Variants in MEPE observed in about 807,000 individuals in gnomAD.
MEPE encodes the protein matrix extracellular phosphoglycoprotein.
Under a neutral mutation model 7.3 loss-of-function variants are expected in MEPE, and 7 were observed. That is an observed-to-expected ratio of 0.95 (90% CI 0.54 to 1.79). MEPE has a LOEUF of 1.79. Ranked by LOEUF, MEPE falls within the 40% of genes most tolerant of loss-of-function variation. The pLI is 0.00. For synonymous variants in MEPE, 214 were observed against 213.1 expected, an observed-to-expected ratio of 1.00 and a Z score of -0.04; for missense variants, 623 against 628.2, an observed-to-expected ratio of 0.99 and a Z score of 0.09.
intron 3 of MEPE, chr4:87,840,043 C>T: frequency 6.5e-7 from 1 of 1,535,372 alleles, no homozygotes; most frequent in East Asian, 2.4e-5. Flanking sequence ...GTGTGATACT[C>T]ATGGACCTCA....
intron 2 of MEPE, among the ~76,000 whole-genome samples, chr4:87,836,017 C>T (rs1352465709): frequency 1.3e-5 from 2 of 152,036 alleles, no homozygotes; most frequent in Non-Finnish European, 2.9e-5. Context: ...AAGCCTAAGA[C>T]ATCTGCTTGG....
At chr4:87,831,420 G>A (rs1373243399), upstream of MEPE, among the ~76,000 whole-genome samples, 1 of 152,094 alleles carries the variant, frequency 6.6e-6, no homozygotes, top group African/African-American at 2.4e-5. Flanking sequence ...GTGTCATCCT[G>A]ATTCTTGATT....
intron 3 of MEPE, chr4:87,839,864 T>C (rs1306435795): frequency 1.3e-6 from 2 of 1,543,322 alleles, no homozygotes; most frequent in African/African-American, 1.4e-5. Context: ...CAAAGTTTAC[T>C]TTTGCTTGCT....
intron 3 of MEPE, among the ~76,000 whole-genome samples, chr4:87,842,372 C>T (rs933124501): frequency 2.0e-5 from 3 of 152,192 alleles, no homozygotes; most frequent in African/African-American, 7.2e-5. Flanking sequence ...TGTATTCTGA[C>T]ATCTTTAATG....
At chr4:87,825,978 G>C (rs1722453875) in intron 1 of MEPE, among the ~76,000 whole-genome samples, 1 of 152,088 alleles carries the variant, frequency 6.6e-6, no homozygotes, top group South Asian at 2.1e-4. Context: ...GGGGATAATG[G>C]CTTCTGGCTC....
chr4:87,846,690 C>A lies in MEPE; in HGVS notation c.*244C>A. The A allele has an allele frequency of 2.3e-6, 1 of 430,698 alleles. No homozygotes were observed. Among genetic ancestry groups the A allele is most frequent in the Non-Finnish European group, 4.1e-6 (1 of 244,722 alleles). 26.7% of individuals were successfully genotyped at this position (430,698 alleles called of 1,614,324 possible). A position where few individuals can be genotyped will look rare whatever the true frequency, so the allele number is the denominator to read the frequency against. ...CATTACAGATCTATGAAATAGGTAA[C>A]ATTTGAGTAGGTGTCATTTAAAAAT... On this transcript the variant is annotated 3_prime_UTR_variant, in exon 4 of 4. Transcript: ENST00000361056.
intron 2 of MEPE, chr4:87,837,534 T>C (rs755729510): frequency 1.3e-5 from 2 of 152,256 alleles, no homozygotes; most frequent in Non-Finnish European, 2.9e-5. Context: ...AAACAAAATA[T>C]AGAAGCTTAA....
chr4:87,837,549 T>A (rs1722846503), intron 2 of MEPE: 2 of 152,244 alleles, frequency 1.3e-5, no homozygotes, highest in Non-Finnish European at 2.9e-5. Context: ...GCTTAAGGCT[T>A]CTTCAGGAAG....
In MEPE at chr4:87,837,926, T is replaced by A. The variant is rs551300073; in HGVS notation, c.55-706T>A. Among the ~76,000 whole-genome samples, 355 of 152,290 alleles carry A rather than the reference T, an allele frequency of 2.3e-3. 3 individuals carry two copies. The highest frequency in any genetic ancestry group is 8.0e-3 in the African/African-American group (331 of 41,568). On this transcript the variant is annotated intron_variant, in intron 2 of 3. Transcript: ENST00000361056. ...GGGACAAACTGCCGAGGTCTGTTCT[T>A]TCTTCATTTCTGCCCTTTCTGCGCT...
In MEPE at chr4:87,827,863, T is replaced by C. The variant is rs906191038; in HGVS notation, c.-13+6392T>C. ...TGCTGTGACCCTCCATGATTCTGCA[T>C]CTGGCTGAAATTTTTATGGCTTCTG... On this transcript the variant is annotated intron_variant, in intron 1 of 3. Transcript: ENST00000424957. Among the ~76,000 whole-genome samples the C allele has an allele frequency of 3.3e-5, 5 of 152,202 alleles. No homozygotes were observed. The East Asian group carries it at 9.6e-4, about 29-fold the overall frequency.
At position 87,845,343 on chromosome 4, in the gene MEPE, A is replaced by G. The variant is rs569488437; in HGVS notation, c.475A>G (p.Thr159Ala). Residue 159 changes from threonine (T) to alanine (A), a missense_variant, in exon 4 of 4, where the codon ACT becomes GCT. Thr to Ala is a moderately conservative substitution (Grantham distance 58). Coordinates refer to ENST00000361056, the MANE Select transcript of MEPE (RefSeq NM_020203.6). ...NNMQHIMGPV[T>A]AIKLLGEENK... ...CATGCAACATATAATGGGGCCAGTGACTGCGATTAAACTCCTGGGGGAAGA... is the reference window on the plus strand; with the variant it reads ...CATGCAACATATAATGGGGCCAGTGGCTGCGATTAAACTCCTGGGGGAAGA... The G allele has an allele frequency of 1.9e-6, 3 of 1,614,038 alleles. No homozygotes were observed. The South Asian group carries it at 3.3e-5, about 18-fold the overall frequency.
Position 87,826,576 on chromosome 4 carries a change from C to T in MEPE, c.-13+5105C>T, listed in dbSNP as rs937453086. 1.2e-4 allele frequency among the ~76,000 whole-genome samples: 18 copies of T among 152,196 alleles called. 1 individual carries two copies. The highest frequency in any genetic ancestry group is 1.2e-3 in the Admixed American group (18 of 15,276). On this transcript the variant is annotated intron_variant, in intron 1 of 3. Transcript: ENST00000424957. ...TTTGAGGAATTGCCACACTGTCTTC[C>T]ACAATGGTTAACTAATTTATACTCC...
Position 87,845,390 on chromosome 4 carries a change from GA to G in MEPE, c.524del (p.Asn175MetfsTer3), listed in dbSNP as rs754118964. The G allele has an allele frequency of 6.2e-7, 1 of 1,613,954 alleles. No homozygotes were observed. The highest frequency in any genetic ancestry group is 1.7e-5 in the Admixed American group (1 of 59,990). On this transcript the variant is annotated frameshift_variant, in exon 4 of 4. Coordinates refer to ENST00000361056, the MANE Select transcript of MEPE (RefSeq NM_020203.6). LOFTEE classifies it low-confidence loss of function (END_TRUNC). ...GEENKENTPRNVLNIIPASMN... is the reference protein window; with the variant it reads ...GEENKENTPRXVLNIIPASMN... ...AAGAAAACAAAGAGAACACACCTAG[GA>G]ATGTTCTAAACATAATCCCAGCAAG...
At position 87,836,734 on chromosome 4, in the gene MEPE, T is replaced by G. The variant is rs146991063; in HGVS notation, c.55-1898T>G. On this transcript the variant is annotated intron_variant, in intron 2 of 3. Coordinates refer to ENST00000361056, the MANE Select transcript of MEPE (RefSeq NM_020203.6). ...TTTTTCATATTTAATCATTCAAAAA[T>G]TTATTATTTTAACCCTGGGACTTTG... is the stretch of plus-strand genomic sequence containing the variant. Among the ~76,000 whole-genome samples, 787 of 152,296 alleles carry G rather than the reference T, an allele frequency of 5.2e-3. 7 individuals are homozygous for G. Among genetic ancestry groups the G allele is most frequent in the African/African-American group, 0.018 (757 of 41,560 alleles).
chr4:87,838,579 TAATGA>T, intron 2 of MEPE, 48 bp from the exon 3 acceptor site: 1 of 1,491,228 alleles, frequency 6.7e-7, no homozygotes, highest in Non-Finnish European at 9.3e-7. Flanking sequence ...TTGAAGAAGT[TAATGA>T]AATAGAATGT....
At position 87,845,660 on chromosome 4, in the gene MEPE, C is replaced by T. The variant is rs1483382351; in HGVS notation, c.792C>T (p.Asp264=). 1 of 1,613,738 alleles carries T rather than the reference C, an allele frequency of 6.2e-7. No homozygotes were observed. Among genetic ancestry groups the T allele is most frequent in the East Asian group, 2.2e-5 (1 of 44,894 alleles). The change falls in exon 4 of 4, where the codon GAC becomes GAT. Residue 264 remains aspartate (D), a synonymous_variant. Coordinates refer to ENST00000361056, the MANE Select transcript of MEPE (RefSeq NM_020203.6). ...GTGGGGACGGCCAACCTTTTAAGGA[C>T]ATTCCTGGTAAAGGAGAAGCTACTG... ...PFSGDGQPFK[D]IPGKGEATGP...
chr4:87,829,482 GA>G (rs1209269900), upstream of MEPE, among the ~76,000 whole-genome samples: 1 of 151,846 alleles, frequency 6.6e-6, no homozygotes, highest in African/African-American at 2.4e-5. Context: ...AAATTTATTT[GA>G]AACTAAGAAA....
intron 2 of MEPE, among the ~76,000 whole-genome samples, chr4:87,837,470 G>A (rs1374956513): frequency 6.6e-6 from 1 of 152,242 alleles, no homozygotes; most frequent in African/African-American, 2.4e-5. Context: ...AAGGAGCTGA[G>A]AGCAAGCAGG....
At chr4:87,836,115 A>G (rs979589685) in intron 2 of MEPE, among the ~76,000 whole-genome samples, 1 of 152,124 alleles carries the variant, frequency 6.6e-6, no homozygotes, top group African/African-American at 2.4e-5. Context: ...ACTGTGAATC[A>G]TTAAATATGA....
Sources: gnomAD v4.1 joint callset for allele counts (sites outside exome capture counted in the v4.1 genomes callset) on GRCh38, gnomAD v4.1.1 for gene constraint, MANE v1.5 for transcripts, NCBI Gene and HGNC (gene_info 2026-07-23, HGNC 2026-07-21) for gene names.